The following LDLRAD4 variants were observed in gnomAD, a reference collection of about 807,000 sequenced individuals.
LDLRAD4 encodes low density lipoprotein receptor class A domain containing 4.
Under a neutral mutation model 17.0 loss-of-function variants are expected in LDLRAD4, and 5 were observed. That is an observed-to-expected ratio of 0.29 (90% CI 0.15 to 0.62). The LOEUF is 0.62. LDLRAD4 is among the 20% of genes least tolerant of loss of function. LDLRAD4 has a pLI of 0.84. For synonymous variants in LDLRAD4, 168 were observed against 171.8 expected, an observed-to-expected ratio of 0.98 and a Z score of 0.17; for missense variants, 340 against 424.7, an observed-to-expected ratio of 0.80 and a Z score of 1.75.
chr18:13,589,808 T>A (rs2094986388), intron 3 of LDLRAD4, among the ~76,000 whole-genome samples: 1 of 151,410 alleles, frequency 6.6e-6, no homozygotes, highest in Non-Finnish European at 1.5e-5. Flanking sequence ...TGTTGAGAGG[T>A]TATGACGCCC....
At chr18:13,647,899 C>T (rs1032169777) in exon 6 of LDLRAD4, 3 of 152,172 alleles carry the variant, frequency 2.0e-5, no homozygotes, top group Middle Eastern at 3.2e-3. Flanking sequence ...TGGCTTGGGG[C>T]CAGAAGGACC....
chr18:13,242,114 G>T (rs191163246), intron 1 of LDLRAD4: 1 of 152,186 alleles, frequency 6.6e-6, no homozygotes, highest in East Asian at 1.9e-4. Flanking sequence ...ACAAAAGATC[G>T]GGGTTCTAGG....
At chr18:13,517,057 C>A (rs2093878143) in intron 3 of LDLRAD4, among the ~76,000 whole-genome samples, 1 of 152,176 alleles carries the variant, frequency 6.6e-6, no homozygotes, top group African/African-American at 2.4e-5. Flanking sequence ...GGCTGTGTTG[C>A]CTAGGTTGGC....
chr18:13,589,284 A>AT (rs1402335138), intron 3 of LDLRAD4, among the ~76,000 whole-genome samples: 1 of 152,022 alleles, frequency 6.6e-6, no homozygotes, highest in African/African-American at 2.4e-5. Context: ...CTGTGATGGG[A>AT]GAAGGCAGGT....
At chr18:13,443,519 GA>G (rs1222177532) in intron 3 of LDLRAD4, among the ~76,000 whole-genome samples, 1 of 152,016 alleles carries the variant, frequency 6.6e-6, no homozygotes, top group Non-Finnish European at 1.5e-5. Context: ...TGTCCTTTTC[GA>G]GTTCATATTT....
intron 1 of LDLRAD4, among the ~76,000 whole-genome samples, chr18:13,313,928 G>T (rs2080794858): frequency 6.6e-6 from 1 of 152,162 alleles, no homozygotes; most frequent in Non-Finnish European, 1.5e-5. Flanking sequence ...CAGTTTATGT[G>T]TTGTGATGTC....
exon 6 of LDLRAD4, chr18:13,652,748 G>A (rs1248000170): frequency 2.0e-5 from 3 of 152,478 alleles, no homozygotes; most frequent in Admixed American, 6.6e-5. Flanking sequence ...AATAATCAGC[G>A]GCATACATTT....
chr18:13,334,023 C>T (rs999332373), intron 1 of LDLRAD4, among the ~76,000 whole-genome samples: 3 of 152,178 alleles, frequency 2.0e-5, no homozygotes. Context: ...TTGAGTATTC[C>T]TATCCATGGA....
At chr18:13,408,384 A>G (rs1240358833) in intron 2 of LDLRAD4, among the ~76,000 whole-genome samples, 1 of 147,588 alleles carries the variant, frequency 6.8e-6, no homozygotes, top group Admixed American at 6.9e-5. Flanking sequence ...AAAAAAAAAA[A>G]AAAAAAAAGG....
intron 3 of LDLRAD4, among the ~76,000 whole-genome samples, chr18:13,497,050 G>A (rs1442309584): frequency 6.6e-6 from 1 of 152,182 alleles, no homozygotes; most frequent in Non-Finnish European, 1.5e-5. Flanking sequence ...AAGCCATAAT[G>A]TTCAATTAAT....
chr18:13,528,903 T>A (rs1239172164), intron 3 of LDLRAD4, among the ~76,000 whole-genome samples: 1 of 152,190 alleles, frequency 6.6e-6, no homozygotes, highest in African/African-American at 2.4e-5. Context: ...TCTGCCTCTC[T>A]CACAAGCTCC....
chr18:13,621,394 C>T lies in LDLRAD4; in HGVS notation c.336+123C>T, dbSNP rs1159727724. 7 of 703,592 alleles carry T rather than the reference C, an allele frequency of 9.9e-6. No individual in the cohort carries two copies. The highest frequency in any genetic ancestry group is 2.3e-5 in the Admixed American group (1 of 43,760). The allele number at this position is 703,592 out of a possible 1,614,324, so 43.6% of individuals were successfully genotyped here. ...GTAACAAACGGGGCGAAGCGCACCT[C>T]GTAAGTGTTCCACTTAGTGAGTCCC... On this transcript the variant is annotated intron_variant, in intron 4 of 5. Transcript: ENST00000359446. This position sits in a 1 kb window ranked among gnomAD's most constrained non-coding sequence, Gnocchi z 5.5.
Position 13,262,070 on chromosome 18 carries a change from G to T in LDLRAD4, c.-466-16035G>T, listed in dbSNP as rs572528734. Reference sequence around the variant, plus strand: ...AACTGAGTCCCGTGCGGCTCTGTGCGTGGAAACTGAGTCCCGTGTGGCTCT... The same window carrying T: ...AACTGAGTCCCGTGCGGCTCTGTGCTTGGAAACTGAGTCCCGTGTGGCTCT... On this transcript the variant is annotated intron_variant, in intron 1 of 5. Transcript: ENST00000399848. Among the ~76,000 whole-genome samples, 12 of 116,676 alleles carry T rather than the reference G, an allele frequency of 1.0e-4. No homozygotes were observed. The East Asian group carries it at 2.9e-3, about 28-fold the overall frequency. The allele number at this position is 116,676 out of a possible 152,430, so 76.5% of individuals were successfully genotyped here.
intron 1 of LDLRAD4, among the ~76,000 whole-genome samples, chr18:13,258,274 A>G (rs2043613541): frequency 1.3e-5 from 2 of 152,122 alleles, no homozygotes; most frequent in Non-Finnish European, 2.9e-5. Flanking sequence ...CTTTTCTTCC[A>G]TGCTTCCGTA....
At chr18:13,432,846 A>G (rs1200619877) in intron 2 of LDLRAD4, among the ~76,000 whole-genome samples, 4 of 152,180 alleles carry the variant, frequency 2.6e-5, no homozygotes, top group Non-Finnish European at 4.4e-5. Context: ...CCTCCCAAGT[A>G]GCTGAGACTA....
chr18:13,487,614 C>T (rs1271053178), intron 3 of LDLRAD4: 1 of 152,270 alleles, frequency 6.6e-6, no homozygotes, highest in Non-Finnish European at 1.5e-5. Flanking sequence ...TTCATTCATC[C>T]AATAAGTATG....
chr18:13,532,121 C>T (rs1036756173), intron 3 of LDLRAD4, among the ~76,000 whole-genome samples: 1 of 152,090 alleles, frequency 6.6e-6, no homozygotes, highest in African/African-American at 2.4e-5. Flanking sequence ...TGGGGACAGC[C>T]GATGCAGCCT....
At chr18:13,222,590 A>T (rs934589518) in intron 1 of LDLRAD4, among the ~76,000 whole-genome samples, 1 of 152,232 alleles carries the variant, frequency 6.6e-6, no homozygotes, top group African/African-American at 2.4e-5. Flanking sequence ...GGCGCCGCTC[A>T]TGGGCCTGGT....
rs537297163 is a variant in LDLRAD4, at chr18:13,632,881, C to T, written c.337-10478C>T. Among the ~76,000 whole-genome samples the T allele has an allele frequency of 2.0e-5, 3 of 152,348 alleles. No individual in the cohort carries two copies. In the South Asian group the frequency reaches 6.2e-4, roughly 32 times the overall value. ...GTAGGCAGGTCATCCTGATGTCTGT[C>T]TGTCCAGCTCAGATCAGAGAGGAGA... On this transcript the variant is annotated intron_variant, in intron 4 of 5. Transcript: ENST00000359446.
Sources: allele counts gnomAD v4.1 joint callset (sites outside exome capture counted in the v4.1 genomes callset), GRCh38; gene constraint gnomAD v4.1.1; non-coding constraint Gnocchi (gnomAD v3.1); transcripts MANE v1.5; gene names NCBI Gene and HGNC (gene_info 2026-07-23, HGNC 2026-07-21).